Variants in IPO9 observed in about 807,000 individuals in gnomAD.
IPO9 encodes the protein importin-9.
A neutral mutation model predicts 128.6 loss-of-function variants in IPO9; 28 were observed. The ratio of observed to expected loss-of-function variants is 0.22; its 90% CI spans 0.16 to 0.30. The LOEUF (loss-of-function observed/expected upper bound fraction) is 0.30. IPO9 is among the 10% of genes least tolerant of loss of function. IPO9 has a pLI of 1.00. For missense variants in IPO9, 935 were observed against 1,293.9 expected (o/e 0.72, Z 4.26); for synonymous variants, 455 against 475.8 (o/e 0.96, Z 0.57).
intron 1 of IPO9, among the ~76,000 whole-genome samples, chr1:201,834,221 T>C (rs1679886630): frequency 6.8e-6 from 1 of 146,240 alleles, no homozygotes; most frequent in Admixed American, 6.9e-5. Context: ...TTTTTTTTTG[T>C]TGCACTGCTA....
intron 13 of IPO9, among the ~76,000 whole-genome samples, chr1:201,859,965 A>G (rs1255742124): frequency 6.6e-6 from 1 of 152,116 alleles, no homozygotes; most frequent in Non-Finnish European, 1.5e-5. Context: ...TTTAAAAAAA[A>G]AAAAAAGGTA....
At position 201,831,847 on chromosome 1, in the gene IPO9, C is replaced by T. The variant is rs1679838414; in HGVS notation, c.163+2475C>T. ...AGCCATTCTTGCAAACTACTTTCCA[C>T]TTCTTTGGTGTTGCTTCACATTTTA... is the stretch of plus-strand genomic sequence containing the variant. On this transcript the variant is annotated intron_variant, in intron 1 of 23. Transcript: ENST00000361565. 2.0e-5 allele frequency among the ~76,000 whole-genome samples: 3 copies of T among 152,110 alleles called. No homozygotes were observed. In the South Asian group the frequency reaches 6.2e-4, roughly 31 times the overall value.
intron 13 of IPO9, among the ~76,000 whole-genome samples, chr1:201,859,367 A>G (rs1446242403): frequency 1.3e-5 from 2 of 151,660 alleles, no homozygotes; most frequent in Non-Finnish European, 2.9e-5. Context: ...AGCTTCACCT[A>G]ATGACAATCT....
chr1:201,868,471 A>T (rs1045279953), intron 15 of IPO9, among the ~76,000 whole-genome samples, 177 bp from the exon 16 acceptor site: 1 of 152,190 alleles, frequency 6.6e-6, no homozygotes, highest in African/African-American at 2.4e-5. Context: ...TTGCAGATTT[A>T]GGATCTCTCC....
intron 4 of IPO9, among the ~76,000 whole-genome samples, chr1:201,849,994 A>G (rs1337604917): frequency 6.6e-6 from 1 of 152,314 alleles, no homozygotes; most frequent in Middle Eastern, 3.4e-3. Flanking sequence ...TGTTCTACCA[A>G]GGAAAGGAAG....
At chr1:201,831,786 G>A (rs1427051025) in intron 1 of IPO9, among the ~76,000 whole-genome samples, 1 of 152,180 alleles carries the variant, frequency 6.6e-6, no homozygotes, top group Non-Finnish European at 1.5e-5. Flanking sequence ...GGCAGGACAT[G>A]GTTCCTCCTA....
At chr1:201,833,600 A>C (rs959111894) in intron 1 of IPO9, among the ~76,000 whole-genome samples, 1 of 152,158 alleles carries the variant, frequency 6.6e-6, no homozygotes, top group African/African-American at 2.4e-5. Flanking sequence ...ATCTGGAAGA[A>C]ACCCAGCAAA....
chr1:201,869,804 T>C (rs1680615723), intron 17 of IPO9, 86 bp downstream of exon 17: 14 of 1,476,760 alleles, frequency 9.5e-6, no homozygotes, highest in Non-Finnish European at 1.3e-5. Context: ...CATGGTTTTA[T>C]GCTTTTGAAA....
chr1:201,877,811 C>G lies in IPO9; in HGVS notation c.*1757C>G, dbSNP rs1312576725. On this transcript the variant is annotated 3_prime_UTR_variant, in exon 24 of 24. Coordinates refer to ENST00000361565, the MANE Select transcript of IPO9 (RefSeq NM_018085.5). ...TGGTGGCATGCACTTGTAATCCCAG[C>G]TACTCGGGAGGCTGAGACAGGAGAA... 1.3e-5 allele frequency: 2 copies of G among 151,752 alleles called. No individual in the cohort carries two copies. The highest frequency in any genetic ancestry group is 2.9e-5 in the Non-Finnish European group (2 of 68,046). 9.4% of individuals were successfully genotyped at this position (151,752 alleles called of 1,614,324 possible).
At chr1:201,871,375 T>TA in intron 19 of IPO9, 48 bp downstream of exon 19, 8 of 441,104 alleles carry the variant, frequency 1.8e-5, no homozygotes, top group Non-Finnish European at 2.1e-5. Context: ...CACTCATATT[T>TA]CTTTTTTTTT....
At chr1:201,871,372 A>ATT (rs1558224962) in intron 19 of IPO9, 45 bp downstream of exon 19, 5 of 234,770 alleles carry the variant, frequency 2.1e-5, no homozygotes, top group Admixed American at 1.1e-4. Flanking sequence ...CACCACTCAT[A>ATT]TTTCTTTTTT....
intron 11 of IPO9, among the ~76,000 whole-genome samples, chr1:201,857,664 G>A (rs989848655): frequency 3.8e-4 from 57 of 151,994 alleles, no homozygotes; most frequent in African/African-American, 1.3e-3. Flanking sequence ...GCGTGATGGC[G>A]CATGCCTGTA....
At chr1:201,829,397 G>A in intron 1 of IPO9, 25 bp downstream of exon 1, 2 of 1,536,574 alleles carry the variant, frequency 1.3e-6, no homozygotes, top group Non-Finnish European at 1.8e-6. Context: ...ACCGTCACGA[G>A]GATGGCTCAG....
intron 1 of IPO9, among the ~76,000 whole-genome samples, chr1:201,846,562 C>T (rs191060090): frequency 1.3e-5 from 2 of 152,072 alleles, no homozygotes; most frequent in African/African-American, 2.4e-5. Flanking sequence ...TTAGTAGAGA[C>T]GGGGTTTTCA....
At chr1:201,830,367 C>G (rs760590326) in intron 1 of IPO9, among the ~76,000 whole-genome samples, 7 of 152,196 alleles carry the variant, frequency 4.6e-5, no homozygotes, top group Non-Finnish European at 7.4e-5. Context: ...AGTTAGCTCT[C>G]CTACTGGACG....
intron 13 of IPO9, among the ~76,000 whole-genome samples, chr1:201,859,398 T>C (rs1297515940): frequency 6.6e-6 from 1 of 151,852 alleles, no homozygotes; most frequent in Non-Finnish European, 1.5e-5. Flanking sequence ...AGTTCATAAT[T>C]CTTCCGTGAT....
At chr1:201,873,022 G>A in intron 20 of IPO9, 61 bp downstream of exon 20, 2 of 1,524,492 alleles carry the variant, frequency 1.3e-6, no homozygotes, top group Non-Finnish European at 1.8e-6. Context: ...GGATACCTGG[G>A]TGAAGGGAAG....
At chr1:201,868,307 CTTTT>C (rs11412063) in intron 15 of IPO9, among the ~76,000 whole-genome samples, 1 of 136,776 alleles carries the variant, frequency 7.3e-6, no homozygotes, top group African/African-American at 2.7e-5. Flanking sequence ...ATCAGTTGGG[CTTTT>C]TTTTTTTTTT....
Position 201,874,117 on chromosome 1 carries a change from C to T in IPO9, c.2711-133C>T, listed in dbSNP as rs1310291174. 8 of 855,650 alleles carry T rather than the reference C, an allele frequency of 9.3e-6. No individual in the cohort carries two copies. In the East Asian group the frequency reaches 2.0e-4, roughly 21 times the overall value. The allele number at this position is 855,650 out of a possible 1,614,324, so 53.0% of individuals were successfully genotyped here. On this transcript the variant is annotated intron_variant, in intron 20 of 23. Transcript: ENST00000361565. Reference sequence around the variant, plus strand: ...TTAACTTTAAGTCACTCTTTGGAGACTGGATATAGTCAGGTACAGTGAAAG... The same window carrying T: ...TTAACTTTAAGTCACTCTTTGGAGATTGGATATAGTCAGGTACAGTGAAAG...
Sources: gnomAD v4.1 joint callset for allele counts (sites outside exome capture counted in the v4.1 genomes callset) on GRCh38, gnomAD v4.1.1 for gene constraint, MANE v1.5 for transcripts, NCBI Gene and HGNC (gene_info 2026-07-23, HGNC 2026-07-21) for gene names.